Variants in LCT observed in about 807,000 individuals in gnomAD.
LCT encodes the protein lactase, also known as lactase/phlorizin hydrolase.
Under a neutral mutation model 173.0 loss-of-function variants are expected in LCT, and 90 were observed. The observed-to-expected ratio is 0.52, with a 90% confidence interval of 0.44 to 0.62. The LOEUF is 0.62. LCT is among the 20% of genes least tolerant of loss of function. LCT has a pLI of 0.00. For synonymous variants in LCT, 853 were observed against 957.6 expected (o/e 0.89, Z 2.02); for missense variants, 1,864 against 2,431.4 (o/e 0.77, Z 4.91).
At chr2:135,806,520 A>T (rs1013937860) in intron 9 of LCT, among the ~76,000 whole-genome samples, 1 of 152,190 alleles carries the variant, frequency 6.6e-6, no homozygotes, top group African/African-American at 2.4e-5. Context: ...CACCCAAAGC[A>T]ACTCCCAGTC....
In LCT at chr2:135,809,424, G is replaced by A. The variant is rs372027911; in HGVS notation, c.2923C>T (p.Arg975Cys). Residue 975 changes from arginine to cysteine, a missense_variant, in exon 8 of 17, where the codon CGC becomes TGC. Physicochemically the swap from Arg to Cys is radical, Grantham distance 180 (BLOSUM62 -3). Coordinates refer to ENST00000264162, the MANE Select transcript of LCT (RefSeq NM_002299.4). The surrounding 1 kb of genome is among the most constrained non-coding windows in gnomAD (Gnocchi z 5.5). ...MLRALKVKAYRFSISWSRIFP... is the reference protein window; with the variant it reads ...MLRALKVKAYCFSISWSRIFP... ...ATCCGAGACCAGGAGATAGAGAAGC[G>A]GTAGGCCTTCACCTTCAAAGCTCGG... 5 of 1,614,068 alleles carry A rather than the reference G, an allele frequency of 3.1e-6. No homozygotes were observed. Among genetic ancestry groups the A allele is most frequent in the South Asian group, 1.1e-5 (1 of 91,084 alleles).
At chr2:135,806,805 C>A (rs1336927174) in intron 9 of LCT, among the ~76,000 whole-genome samples, 2 of 152,230 alleles carry the variant, frequency 1.3e-5, no homozygotes, top group African/African-American at 4.8e-5. Context: ...CATCACATCT[C>A]TCAGAGTAAA....
At chr2:135,810,728 G>GA (rs36092483) in intron 7 of LCT, among the ~76,000 whole-genome samples, 133,069 of 146,010 alleles carry the variant, frequency 0.91, 61,009 homozygotes, top group Non-Finnish European at 0.97. Context: ...TGTCTCTATT[G>GA]AAAAAAAAAA....
intron 2 of LCT, among the ~76,000 whole-genome samples, chr2:135,831,246 C>T (rs1384702832): frequency 6.6e-6 from 1 of 152,144 alleles, no homozygotes; most frequent in African/African-American, 2.4e-5. Context: ...GTTACGTGTA[C>T]ATTAACAATG....
chr2:135,807,428 C>T lies in LCT; in HGVS notation c.3905-32G>A, dbSNP rs778560916. On this transcript the variant is annotated intron_variant, in intron 8 of 16. Coordinates refer to ENST00000264162, the MANE Select transcript of LCT (RefSeq NM_002299.4). ...ACATCCCAAAGGGAGCAGAGGAGAG[C>T]TTGACACCAGGAGTCAGGACCTCCA... 3.1e-6 allele frequency: 5 copies of T among 1,612,698 alleles called. No homozygotes were observed. In the Admixed American group the frequency reaches 6.7e-5, roughly 22 times the overall value.
rs752870028 is a variant in LCT at position 135,821,963 on chromosome 2, A to C, written c.986+57T>G. On this transcript the variant is annotated intron_variant, in intron 5 of 16. Coordinates refer to ENST00000264162, the MANE Select transcript of LCT (RefSeq NM_002299.4). ...CCTATAAGATTATACATGTAAAAGA[A>C]ACAGAGTATTCTACAAATATCAGTT... 41 of 1,027,320 alleles carry C rather than the reference A, an allele frequency of 4.0e-5. No individual in the cohort carries two copies. In the Middle Eastern group the frequency reaches 6.1e-4, roughly 15 times the overall value. 63.6% of individuals were successfully genotyped at this position (1,027,320 alleles called of 1,614,324 possible).
Position 135,790,950 on chromosome 2 carries a change from A to AAAACAGG in LCT, c.5112-76_5112-70dup. On this transcript the variant is annotated intron_variant, in intron 14 of 16. Transcript: ENST00000264162. The surrounding 1 kb of genome is among the most constrained non-coding windows in gnomAD (Gnocchi z 4.1). ...TCAAGAGGCCCTTTACACGAAACAC[A>AAAACAGG]AAACAGGACTTAGACCAGGAAAAGC... The AAAACAGG allele has an allele frequency of 8.7e-7, 1 of 1,144,576 alleles. No homozygotes were observed. The highest frequency in any genetic ancestry group is 1.3e-6 in the Non-Finnish European group (1 of 756,776). 70.9% of individuals were successfully genotyped at this position (1,144,576 alleles called of 1,614,324 possible).
At chr2:135,822,909 G>T (rs1406438546) in intron 4 of LCT, 1 of 152,452 alleles carries the variant, frequency 6.6e-6, no homozygotes, top group South Asian at 2.1e-4. Flanking sequence ...TACAGTGGTT[G>T]TTATAAAGTG....
intron 6 of LCT, among the ~76,000 whole-genome samples, chr2:135,813,786 A>G (rs1473631236): frequency 6.6e-6 from 1 of 152,216 alleles, no homozygotes; most frequent in Non-Finnish European, 1.5e-5. Flanking sequence ...AAGGGAGAGG[A>G]GGGCTCTTTC....
chr2:135,818,100 A>G (rs2077796696), intron 5 of LCT, 39 bp from the exon 6 acceptor site: 1 of 1,611,736 alleles, frequency 6.2e-7, no homozygotes, highest in Non-Finnish European at 8.5e-7. Context: ...ATAATAATGA[A>G]TGACGCTGGC....
Position 135,808,831 on chromosome 2 carries a change from C to A in LCT, c.3516G>T (p.Val1172=). ...AGTGCTGCAGTTCACTCCTGTTCCC[C>A]ACTTTCCACTTCATGGTGTCAGGAT... ...GDYPDTMKWK[V]GNRSELQHLA... The change falls in exon 8 of 17, where the codon GTG becomes GTT. Residue 1172 remains valine (V), a synonymous_variant. Transcript: ENST00000264162. 1 of 1,614,154 alleles carries A rather than the reference C, an allele frequency of 6.2e-7. No individual in the cohort carries two copies. The highest frequency in any genetic ancestry group is 8.5e-7 in the Non-Finnish European group (1 of 1,179,994).
In LCT at chr2:135,804,066, C is replaced by G. The variant is rs1558735512; in HGVS notation, c.4527G>C (p.Glu1509Asp). 1 of 1,614,188 alleles carries G rather than the reference C, an allele frequency of 6.2e-7. No individual in the cohort carries two copies. The change falls in exon 11 of 17, where the codon GAG (glutamate) becomes GAC (aspartate). Residue 1509 changes from glutamate to aspartate, a missense_variant. By Grantham distance (45) the Glu-to-Asp change is conservative. Coordinates refer to ENST00000264162, the MANE Select transcript of LCT (RefSeq NM_002299.4). ...ACTCCTTAAACCGCTGCACGATGGT[C>G]TCATTCTCCCAGCCTCCTACATCTT... ...TLQDVGGWEN[E>D]TIVQRFKEYA...
At chr2:135,801,994 A>C (rs1441311646) in intron 11 of LCT, among the ~76,000 whole-genome samples, 1 of 152,132 alleles carries the variant, frequency 6.6e-6, no homozygotes, top group Non-Finnish European at 1.5e-5. Context: ...GGAGTTGATA[A>C]TCTGGAGCTC....
At chr2:135,800,277 T>C (rs2077614771) in intron 12 of LCT, among the ~76,000 whole-genome samples, 1 of 152,162 alleles carries the variant, frequency 6.6e-6, no homozygotes, top group African/African-American at 2.4e-5. Flanking sequence ...CTCTGTCACC[T>C]GGAGTTTAAT....
intron 5 of LCT, among the ~76,000 whole-genome samples, chr2:135,819,825 C>G (rs1047943518): frequency 7.9e-5 from 12 of 152,214 alleles, no homozygotes; most frequent in African/African-American, 1.4e-4. Context: ...GAACCTCGCT[C>G]TTACCCAGCC....
At chr2:135,797,755 T>A (rs1290412815) in intron 13 of LCT, among the ~76,000 whole-genome samples, 1 of 152,174 alleles carries the variant, frequency 6.6e-6, no homozygotes, top group Non-Finnish European at 1.5e-5. Flanking sequence ...TAGGATAGGA[T>A]GAGCTGGGAT....
intron 2 of LCT, among the ~76,000 whole-genome samples, chr2:135,830,154 C>G (rs2077923583): frequency 6.6e-6 from 1 of 152,078 alleles, no homozygotes; most frequent in Admixed American, 6.6e-5. Context: ...AAATTTCAGG[C>G]CACCGTTTGA....
chr2:135,797,461 C>T (rs1274685743), intron 13 of LCT, among the ~76,000 whole-genome samples: 1 of 152,196 alleles, frequency 6.6e-6, no homozygotes, highest in Non-Finnish European at 1.5e-5. Context: ...GCCCTGGGGG[C>T]CGACAGCTTG....
chr2:135,799,739 C>A (rs1355959041), intron 12 of LCT, among the ~76,000 whole-genome samples: 1 of 152,194 alleles, frequency 6.6e-6, no homozygotes, highest in East Asian at 1.9e-4. Context: ...CGTGAGCCAC[C>A]TTGCCCAGTC....
Sources: allele counts gnomAD v4.1 joint callset (sites outside exome capture counted in the v4.1 genomes callset), GRCh38; gene constraint gnomAD v4.1.1; non-coding constraint Gnocchi (gnomAD v3.1); transcripts MANE v1.5; gene names NCBI Gene and HGNC (gene_info 2026-07-23, HGNC 2026-07-21).